Variants in EML5 observed in about 807,000 individuals in gnomAD.
The protein encoded by EML5 is echinoderm microtubule-associated protein-like 5.
Under a neutral mutation model 250.0 loss-of-function variants are expected in EML5, and 120 were observed. The ratio of observed to expected loss-of-function variants is 0.48; its 90% confidence interval spans 0.41 to 0.56. EML5 has a LOEUF of 0.56. Ranked by LOEUF, EML5 falls within the 20% of genes least tolerant of loss-of-function variation. The probability of loss-of-function intolerance (pLI) is 0.00; values close to 1 mark genes in which losing one functional copy is unlikely to be tolerated. For missense variants in EML5, 2,006 were observed against 2,437.6 expected, an observed-to-expected ratio of 0.82 and a Z score of 3.73; for synonymous variants, 771 against 806.5, an observed-to-expected ratio of 0.96 and a Z score of 0.75.
chr14:88,638,134 G>A (rs541982820), intron 32 of EML5, among the ~76,000 whole-genome samples: 5 of 152,270 alleles, frequency 3.3e-5, no homozygotes, highest in South Asian at 2.1e-4. Flanking sequence ...TTTTACAAAC[G>A]TATTGAAGTT....
chr14:88,669,645 G>A (rs1390096213), intron 21 of EML5, among the ~76,000 whole-genome samples: 1 of 152,164 alleles, frequency 6.6e-6, no homozygotes, highest in Non-Finnish European at 1.5e-5. Flanking sequence ...TGGATCAGCA[G>A]ACTTAGTCTT....
intron 1 of EML5, among the ~76,000 whole-genome samples, chr14:88,788,805 C>T (rs534038752): frequency 2.0e-5 from 3 of 152,054 alleles, no homozygotes; most frequent in African/African-American, 4.8e-5. Context: ...CATCTGTAAT[C>T]CCAACACTTT....
rs530973379 is a variant in EML5, at chr14:88,710,918, G to A, written c.1657+1353C>T. 7.9e-5 allele frequency among the ~76,000 whole-genome samples: 12 copies of A among 152,208 alleles called. No individual in the cohort carries two copies. The South Asian group carries it at 1.7e-3, about 21-fold the overall frequency. ...AATAAAATTATTGTGCAATAATATCGACTTCTCTCTTGCAAATGATAAAAA... is the reference window on the plus strand; with the variant it reads ...AATAAAATTATTGTGCAATAATATCAACTTCTCTCTTGCAAATGATAAAAA... On this transcript the variant is annotated intron_variant, in intron 10 of 43. Coordinates refer to ENST00000554922, the MANE Select transcript of EML5 (RefSeq NM_183387.3).
chr14:88,726,794 G>T, intron 7 of EML5, 116 bp from the exon 8 acceptor site: 1 of 715,476 alleles, frequency 1.4e-6, no homozygotes, highest in Non-Finnish European at 2.1e-6. Flanking sequence ...TTAACTATCT[G>T]TTGTGTGGCA....
intron 1 of EML5, among the ~76,000 whole-genome samples, chr14:88,782,012 T>C (rs1221428071): frequency 2.0e-5 from 3 of 151,964 alleles, no homozygotes; most frequent in Non-Finnish European, 2.9e-5. Flanking sequence ...GATAGGAAAA[T>C]GTGGGAAAGT....
At chr14:88,665,553 G>A in intron 21 of EML5, 64 bp from the exon 22 acceptor site, 1 of 1,596,914 alleles carries the variant, frequency 6.3e-7, no homozygotes, top group Non-Finnish European at 8.6e-7. Context: ...TGGGCCAGGT[G>A]TGGTGGCTCA....
chr14:88,785,864 T>C (rs748330127), intron 1 of EML5, among the ~76,000 whole-genome samples: 3 of 152,180 alleles, frequency 2.0e-5, no homozygotes, highest in Non-Finnish European at 4.4e-5. Context: ...AGAGTGACTT[T>C]GTTAAACCGT....
chr14:88,642,501 C>G (rs977456413), intron 31 of EML5, among the ~76,000 whole-genome samples: 2 of 152,152 alleles, frequency 1.3e-5, no homozygotes, highest in Non-Finnish European at 2.9e-5. Context: ...CCAGCAATCA[C>G]TCACCCAACA....
intron 19 of EML5, among the ~76,000 whole-genome samples, chr14:88,685,457 C>T (rs2092811947): frequency 6.6e-6 from 1 of 152,098 alleles, no homozygotes; most frequent in Admixed American, 6.6e-5. Flanking sequence ...TTACAATATT[C>T]TTATTAGTAA....
Position 88,715,156 on chromosome 14 carries a change from CTCCT to C in EML5, c.1223_1226del (p.Lys408ArgfsTer6), listed in dbSNP as rs2093471081. On this transcript the variant is annotated frameshift_variant, in exon 9 of 44. Transcript: ENST00000554922. LOFTEE classifies it high-confidence loss of function. ...GTGAATATTTTAACTCATGAATTGC[CTCCT>C]TCCTATCTTTAATATGTACAACTTC... 6.2e-7 allele frequency: 1 copy of C among 1,606,688 alleles called. No individual in the cohort carries two copies. Among genetic ancestry groups the C allele is most frequent in the Non-Finnish European group, 8.5e-7 (1 of 1,176,092 alleles).
At chr14:88,625,953 A>AATC (rs2089879062) in intron 35 of EML5, 1 of 152,202 alleles carries the variant, frequency 6.6e-6, no homozygotes, top group Non-Finnish European at 1.5e-5. Flanking sequence ...TGTGGATTGG[A>AATC]AGCCACAGGT....
chr14:88,738,437 A>G (rs1016066518), intron 6 of EML5, among the ~76,000 whole-genome samples: 1 of 151,796 alleles, frequency 6.6e-6, no homozygotes, highest in South Asian at 2.1e-4. Context: ...AAATCCCCCA[A>G]TTGCTGACAA....
At chr14:88,698,401 G>A (rs2093130925) in intron 14 of EML5, among the ~76,000 whole-genome samples, 1 of 151,482 alleles carries the variant, frequency 6.6e-6, no homozygotes, top group African/African-American at 2.4e-5. Flanking sequence ...CAAGTAGCTG[G>A]GACTACAGGC....
At chr14:88,733,380 C>T (rs1293673870) in intron 7 of EML5, among the ~76,000 whole-genome samples, 1 of 152,242 alleles carries the variant, frequency 6.6e-6, no homozygotes, top group Non-Finnish European at 1.5e-5. Flanking sequence ...TAGCTCCTCA[C>T]TATCTTGTCA....
intron 7 of EML5, among the ~76,000 whole-genome samples, chr14:88,735,347 C>T (rs1051407685): frequency 4.6e-5 from 7 of 152,068 alleles, no homozygotes; most frequent in African/African-American, 1.4e-4. Context: ...AAACAGGTAT[C>T]ATTAGATCTT....
chr14:88,634,374 T>C, intron 33 of EML5, 95 bp downstream of exon 33: 1 of 784,120 alleles, frequency 1.3e-6, no homozygotes, highest in Non-Finnish European at 2.0e-6. Flanking sequence ...TTAATAGTAA[T>C]GCAAGAACGG....
intron 7 of EML5, among the ~76,000 whole-genome samples, chr14:88,729,939 G>A (rs1027871138): frequency 3.3e-5 from 5 of 151,538 alleles, no homozygotes; most frequent in African/African-American, 1.2e-4. Flanking sequence ...CACTACAGAG[G>A]CAGAGTTGAG....
intron 28 of EML5, among the ~76,000 whole-genome samples, chr14:88,649,137 CTCTCACCTCAGCCT>C (rs2091499838): frequency 6.6e-6 from 1 of 152,062 alleles, no homozygotes; most frequent in Admixed American, 6.5e-5. Context: ...TCAAGAGACC[CTCTCACCTCAGCCT>C]CCTGAGTAGC....
intron 1 of EML5, among the ~76,000 whole-genome samples, chr14:88,774,099 C>T (rs973393210): frequency 3.3e-5 from 5 of 151,988 alleles, no homozygotes; most frequent in Non-Finnish European, 7.4e-5. Context: ...GCCTGGGTGA[C>T]GAGAGCGAGA....
Sources: gnomAD v4.1 joint callset for allele counts (sites outside exome capture counted in the v4.1 genomes callset) on GRCh38, gnomAD v4.1.1 for gene constraint, MANE v1.5 for transcripts, NCBI Gene and HGNC (gene_info 2026-07-23, HGNC 2026-07-21) for gene names.